UBE2E2: variants seen among roughly 807,000 people sequenced by gnomAD.
UBE2E2 encodes ubiquitin-conjugating enzyme E2 E2.
Under a neutral mutation model 24.7 loss-of-function variants are expected in UBE2E2, and 6 were observed. That is an observed-to-expected ratio of 0.24 (90% CI 0.13 to 0.48). UBE2E2 has a LOEUF of 0.48. UBE2E2 is among the 20% of genes least tolerant of loss of function. UBE2E2 has a pLI of 0.99. For synonymous variants in UBE2E2, 104 were observed against 83.6 expected (o/e 1.24, Z -1.33); for missense variants, 169 against 245.0 (o/e 0.69, Z 2.07).
At chr3:23,298,909 A>G in intron 3 of UBE2E2, among the ~76,000 whole-genome samples, 1 of 152,182 alleles carries the variant, frequency 6.6e-6, no homozygotes, top group Admixed American at 6.5e-5. Flanking sequence ...CTGTGAATTC[A>G]TCTGGTCCTG....
chr3:23,254,420 T>C (rs912597566), intron 3 of UBE2E2, among the ~76,000 whole-genome samples: 1 of 152,130 alleles, frequency 6.6e-6, no homozygotes, highest in Non-Finnish European at 1.5e-5. Context: ...GGGGCAGTAA[T>C]AGGAGAGTCC....
intron 3 of UBE2E2, among the ~76,000 whole-genome samples, chr3:23,423,047 G>T (rs1258133073): frequency 6.6e-6 from 1 of 152,124 alleles, no homozygotes; most frequent in Non-Finnish European, 1.5e-5. Context: ...ACATAATGAA[G>T]GTTCATTGGT....
chr3:23,351,810 C>G (rs1464125288), intron 3 of UBE2E2, among the ~76,000 whole-genome samples: 2 of 152,152 alleles, frequency 1.3e-5, no homozygotes, highest in Non-Finnish European at 2.9e-5. Context: ...CCGCTGTCAA[C>G]ATTAGACAGA....
chr3:23,509,736 C>T (rs1694544006), intron 4 of UBE2E2, among the ~76,000 whole-genome samples: 1 of 120,130 alleles, frequency 8.3e-6, no homozygotes, highest in African/African-American at 3.1e-5. Context: ...CCTCCCCCCA[C>T]CCCACAACAG....
intron 3 of UBE2E2, among the ~76,000 whole-genome samples, chr3:23,292,771 G>A (rs749363865): frequency 2.0e-5 from 3 of 152,028 alleles, no homozygotes; most frequent in African/African-American, 4.8e-5. Context: ...CTTTTTGTTC[G>A]CAGTTAAAAT....
In UBE2E2 at chr3:23,522,652, A is replaced by G. The variant is rs189584308; in HGVS notation, c.361-9902A>G. On this transcript the variant is annotated intron_variant, in intron 4 of 5. Coordinates refer to ENST00000396703, the MANE Select transcript of UBE2E2 (RefSeq NM_152653.4). The stretch of plus-strand genomic sequence containing the variant: ...TTGATTGAGCTGGTTTCAGGCAACT[A>G]TGTCTTTACCAGATAGTATCTCCTT... 3.3e-4 allele frequency among the ~76,000 whole-genome samples: 50 copies of G among 152,270 alleles called. 1 individual carries two copies. The highest frequency in any genetic ancestry group is 2.0e-4 in the Admixed American group (3 of 15,302).
chr3:23,505,752 C>A (rs1053517638), intron 4 of UBE2E2, among the ~76,000 whole-genome samples: 2 of 152,138 alleles, frequency 1.3e-5, no homozygotes, highest in Non-Finnish European at 2.9e-5. Context: ...TTTATAAAGT[C>A]TAACTATGGG....
At chr3:23,532,098 T>C (rs548954130) in intron 4 of UBE2E2, among the ~76,000 whole-genome samples, 2 of 151,244 alleles carry the variant, frequency 1.3e-5, no homozygotes, top group East Asian at 3.9e-4. Flanking sequence ...TGTTATAGAA[T>C]AATATTTATT....
intron 3 of UBE2E2, among the ~76,000 whole-genome samples, chr3:23,494,560 G>A (rs1007513402): frequency 1.3e-5 from 2 of 152,096 alleles, no homozygotes; most frequent in African/African-American, 2.4e-5. Flanking sequence ...TTGGATGTTG[G>A]GTTCTCAACT....
intron 5 of UBE2E2, among the ~76,000 whole-genome samples, chr3:23,560,886 A>T (rs1166430102): frequency 2.0e-5 from 3 of 152,070 alleles, no homozygotes; most frequent in Admixed American, 1.3e-4. Flanking sequence ...GTGTCTGTTC[A>T]TATCCTTTGC....
intron 3 of UBE2E2, among the ~76,000 whole-genome samples, chr3:23,265,179 C>T (rs1002600141): frequency 6.6e-6 from 1 of 151,942 alleles, no homozygotes; most frequent in Admixed American, 6.6e-5. Flanking sequence ...GAAGAAGGAA[C>T]GAATGGAGAA....
At chr3:23,314,000 A>C (rs1360276546) in intron 3 of UBE2E2, among the ~76,000 whole-genome samples, 1 of 152,206 alleles carries the variant, frequency 6.6e-6, no homozygotes, top group Non-Finnish European at 1.5e-5. Flanking sequence ...ACAGCTTAAC[A>C]CTGATTGCAT....
chr3:23,474,805 C>G lies in UBE2E2; in HGVS notation c.228-24803C>G, dbSNP rs570479226. On this transcript the variant is annotated intron_variant, in intron 3 of 5. Transcript: ENST00000396703. The surrounding 1 kb of genome is among the most constrained non-coding windows in gnomAD (Gnocchi z 4.0). ...TTCTGTCTGTGGTTTAATCCTCCTT[C>G]CTGTTTGGACATTTTGTATGCCCCG... Among the ~76,000 whole-genome samples, 7 of 152,186 alleles carry G rather than the reference C, an allele frequency of 4.6e-5. No homozygotes were observed. In the East Asian group the frequency reaches 1.4e-3, roughly 29 times the overall value.
chr3:23,490,826 A>G (rs1202706065), intron 3 of UBE2E2, among the ~76,000 whole-genome samples: 1 of 152,248 alleles, frequency 6.6e-6, no homozygotes, highest in Non-Finnish European at 1.5e-5. Context: ...GGTACAGAGT[A>G]GGTAACAATA....
At chr3:23,578,241 A>G (rs1349788639) in intron 5 of UBE2E2, among the ~76,000 whole-genome samples, 1 of 152,242 alleles carries the variant, frequency 6.6e-6, no homozygotes, top group Non-Finnish European at 1.5e-5. Context: ...ATATCATCTC[A>G]TGCCAGTCAG....
chr3:23,559,636 C>CT, intron 5 of UBE2E2, among the ~76,000 whole-genome samples: 1 of 152,154 alleles, frequency 6.6e-6, no homozygotes, highest in African/African-American at 2.4e-5. Context: ...TTCTTTCTTT[C>CT]TTTTTGTACA....
At chr3:23,536,391 G>A (rs1266201729) in intron 5 of UBE2E2, among the ~76,000 whole-genome samples, 3 of 152,082 alleles carry the variant, frequency 2.0e-5, no homozygotes, top group African/African-American at 7.2e-5. Flanking sequence ...CTTGAGACGT[G>A]TATAGGTCTG....
At chr3:23,288,779 C>A (rs1698684093) in intron 3 of UBE2E2, among the ~76,000 whole-genome samples, 2 of 151,946 alleles carry the variant, frequency 1.3e-5, no homozygotes, top group Non-Finnish European at 2.9e-5. Context: ...AAAAAAACTT[C>A]TCTGAGCAAA....
At chr3:23,378,962 A>T (rs1296686106) in intron 3 of UBE2E2, among the ~76,000 whole-genome samples, 1 of 152,130 alleles carries the variant, frequency 6.6e-6, no homozygotes, top group Non-Finnish European at 1.5e-5. Context: ...AGTAGCAGTG[A>T]TTTGCTGACA....
Sources: gnomAD v4.1 joint callset for allele counts (sites outside exome capture counted in the v4.1 genomes callset) on GRCh38, gnomAD v4.1.1 for gene constraint, Gnocchi (gnomAD v3.1) non-coding constraint, MANE v1.5 for transcripts, NCBI Gene and HGNC (gene_info 2026-07-23, HGNC 2026-07-21) for gene names.